H3C13: variants seen among roughly 807,000 people sequenced by gnomAD.
H3C13 encodes histone H3.2.
H3C13 carries 8 observed loss-of-function variants against 7.3 expected under a neutral mutation model. That is an observed-to-expected ratio of 1.09 (90% confidence interval 0.64 to 1.97). The LOEUF (loss-of-function observed/expected upper bound fraction) is 1.97. Among genes scored for constraint, H3C13 ranks in the 30% most tolerant of loss-of-function variants. H3C13 has a pLI of 0.00. For synonymous variants in H3C13, 110 were observed against 90.1 expected (o/e 1.22, Z -1.25); for missense variants, 173 against 196.5 (o/e 0.88, Z 0.72).
Position 149,813,239 on chromosome 1 carries a change from G to T in H3C13, c.*32C>A. 6.2e-7 allele frequency: 1 copy of T among 1,608,620 alleles called. No homozygotes were observed. Among genetic ancestry groups the T allele is most frequent in the East Asian group, 2.2e-5 (1 of 44,824 alleles). On this transcript the variant is annotated 3_prime_UTR_variant, in exon 1 of 1. Coordinates refer to ENST00000331491, the MANE Select transcript of H3C13 (RefSeq NM_001123375.3). The stretch of plus-strand genomic sequence containing the variant: ...ATGAAAACGGCAGTGGCTCTGAAAA[G>T]AGCCTTTAGATCGACCACTTAAAAA...
At position 149,813,421 on chromosome 1, in the gene H3C13, G is replaced by C. The variant is rs781912457; in HGVS notation, c.261C>G (p.Ser87Arg). The C allele has an allele frequency of 1.9e-6, 3 of 1,613,924 alleles. No individual in the cohort carries two copies. The highest frequency in any genetic ancestry group is 2.5e-6 in the Non-Finnish European group (3 of 1,180,002). Residue 87 changes from serine (S) to arginine (R), a missense_variant, in exon 1 of 1, where the codon AGC becomes AGG. Transcript: ENST00000331491. ...QDFKTDLRFQ[S>R]SAVMALQEAS... ...CCTCCTGCAGCGCCATCACGGCCGAGCTCTGGAAGCGCAGGTCCGTCTTAA... is the reference window on the plus strand; with the variant it reads ...CCTCCTGCAGCGCCATCACGGCCGACCTCTGGAAGCGCAGGTCCGTCTTAA...
At position 149,813,471 on chromosome 1, in the gene H3C13, G is replaced by C. The variant is rs1553754921; in HGVS notation, c.211C>G (p.Leu71Val). The change falls in exon 1 of 1, where the codon CTG (leucine) becomes GTG (valine). Residue 71 changes from leucine (L) to valine (V), a missense_variant. Physicochemically the swap from Leu to Val is conservative, Grantham distance 32 (BLOSUM62 1). Coordinates refer to ENST00000331491, the MANE Select transcript of H3C13 (RefSeq NM_001123375.3). Reference protein sequence around the residue: ...LLIRKLPFQRLVREIAQDFKT... With the variant: ...LLIRKLPFQRVVREIAQDFKT... ...AAGTCCTGCGCGATCTCGCGTACCAGCCGCTGGAAGGGCAGCTTGCGGATC... is the reference window on the plus strand; with the variant it reads ...AAGTCCTGCGCGATCTCGCGTACCACCCGCTGGAAGGGCAGCTTGCGGATC... 1 of 1,614,214 alleles carries C rather than the reference G, an allele frequency of 6.2e-7. No homozygotes were observed. Among genetic ancestry groups the C allele is most frequent in the South Asian group, 1.1e-5 (1 of 91,084 alleles).
Position 149,813,396 on chromosome 1 carries a change from C to T in H3C13, c.286G>A (p.Ala96Thr), listed in dbSNP as rs2092008280. The change falls in exon 1 of 1, where the codon GCC becomes ACC. Residue 96 changes from alanine to threonine, a missense_variant. Ala to Thr is a moderately conservative substitution (Grantham distance 58, BLOSUM62 0). Coordinates refer to ENST00000331491, the MANE Select transcript of H3C13 (RefSeq NM_001123375.3). ...AGCCCCACCAGGTAGGCCTCGCTGG[C>T]CTCCTGCAGCGCCATCACGGCCGAG... ...QSSAVMALQE[A>T]SEAYLVGLFE... 6.2e-7 allele frequency: 1 copy of T among 1,614,002 alleles called. No homozygotes were observed. The highest frequency in any genetic ancestry group is 1.7e-5 in the Admixed American group (1 of 60,014).
rs1435064824 is a variant in H3C13 at position 149,813,593 on chromosome 1, G to A, written c.89C>T (p.Ala30Val). 8 of 1,613,000 alleles carry A rather than the reference G, an allele frequency of 5.0e-6. No individual in the cohort carries two copies. The highest frequency in any genetic ancestry group is 4.0e-5 in the African/African-American group (3 of 74,912). ...QLATKAARKS[A>V]PATGGVKKPH... ...CTTCTTCACCCCGCCCGTGGCCGGCGCGCTCTTGCGGGCCGCTTTGGTAGC... is the reference window on the plus strand; with the variant it reads ...CTTCTTCACCCCGCCCGTGGCCGGCACGCTCTTGCGGGCCGCTTTGGTAGC... Residue 30 changes from alanine (A) to valine (V), a missense_variant, in exon 1 of 1, where the codon GCG becomes GTG. Ala to Val is a moderately conservative substitution (Grantham distance 64). Coordinates refer to ENST00000331491, the MANE Select transcript of H3C13 (RefSeq NM_001123375.3).
rs782290994 is a variant in H3C13, at chr1:149,813,450, C to T, written c.232G>A (p.Asp78Asn). 24 of 1,614,102 alleles carry T rather than the reference C, an allele frequency of 1.5e-5. No individual in the cohort carries two copies. Among genetic ancestry groups the T allele is most frequent in the East Asian group, 2.2e-5 (1 of 44,898 alleles). ...TGGAAGCGCAGGTCCGTCTTAAAGTCCTGCGCGATCTCGCGTACCAGCCGC... is the reference window on the plus strand; with the variant it reads ...TGGAAGCGCAGGTCCGTCTTAAAGTTCTGCGCGATCTCGCGTACCAGCCGC... The part of the protein sequence containing the change: ...FQRLVREIAQ[D>N]FKTDLRFQSS... The change falls in exon 1 of 1, where the codon GAC (aspartate) becomes AAC (asparagine). Residue 78 changes from aspartate to asparagine, a missense_variant. Asp to Asn is a conservative substitution (Grantham distance 23, BLOSUM62 1). Coordinates refer to ENST00000331491, the MANE Select transcript of H3C13 (RefSeq NM_001123375.3).
In H3C13 at chr1:149,813,624, G is replaced by A; in HGVS notation, c.58C>T (p.Gln20Ter). ...TTGCGGGCCGCTTTGGTAGCCAGCT[G>A]CTTCCTCGGGGCCTTGCCGCCGGTC... ...KSTGGKAPRK[Q>*]LATKAARKSA... The change falls in exon 1 of 1, where the codon CAG becomes TAG. Residue 20 changes from glutamine (Q) to a stop codon, truncating the protein, a stop_gained. Transcript: ENST00000331491. LOFTEE classifies it high-confidence loss of function. 1.2e-6 allele frequency: 2 copies of A among 1,613,604 alleles called. No homozygotes were observed. Among genetic ancestry groups the A allele is most frequent in the East Asian group, 2.2e-5 (1 of 44,856 alleles).
chr1:149,813,375 C>G lies in H3C13; in HGVS notation c.307G>C (p.Gly103Arg), dbSNP rs1305168156. The G allele has an allele frequency of 6.2e-7, 1 of 1,614,164 alleles. No individual in the cohort carries two copies. The highest frequency in any genetic ancestry group is 1.3e-5 in the African/African-American group (1 of 74,960). The change falls in exon 1 of 1, where the codon GGG becomes CGG. Residue 103 changes from glycine (G) to arginine (R), a missense_variant. Gly to Arg is a moderately radical substitution (Grantham distance 125). Coordinates refer to ENST00000331491, the MANE Select transcript of H3C13 (RefSeq NM_001123375.3). ...CACAGGTTCGTGTCTTCGAACAGCC[C>G]CACCAGGTAGGCCTCGCTGGCCTCC... Reference protein sequence around the residue: ...LQEASEAYLVGLFEDTNLCAI... With the variant: ...LQEASEAYLVRLFEDTNLCAI...
In H3C13 at chr1:149,813,533, C is replaced by A. The variant is rs1412789208; in HGVS notation, c.149G>T (p.Arg50Leu). 1 of 1,614,150 alleles carries A rather than the reference C, an allele frequency of 6.2e-7. No homozygotes were observed. The highest frequency in any genetic ancestry group is 8.5e-7 in the Non-Finnish European group (1 of 1,179,992). ...HRYRPGTVALREIRRYQKSTE... is the reference protein window; with the variant it reads ...HRYRPGTVALLEIRRYQKSTE... The stretch of plus-strand genomic sequence containing the variant: ...AGACTTCTGGTAGCGCCGGATCTCC[C>A]GCAGAGCCACGGTGCCGGGCCGGTA... The change falls in exon 1 of 1, where the codon CGG becomes CTG. Residue 50 changes from arginine to leucine, a missense_variant. By Grantham distance (102) the Arg-to-Leu change is moderately radical. Coordinates refer to ENST00000331491, the MANE Select transcript of H3C13 (RefSeq NM_001123375.3).
chr1:149,813,652 C>T lies in H3C13; in HGVS notation c.30G>A (p.Lys10=). The T allele has an allele frequency of 6.2e-7, 1 of 1,613,770 alleles. No individual in the cohort carries two copies. Among genetic ancestry groups the T allele is most frequent in the Non-Finnish European group, 8.5e-7 (1 of 1,179,814 alleles). The change falls in exon 1 of 1, where the codon AAG becomes AAA. Residue 10 remains lysine (K), a synonymous_variant. Coordinates refer to ENST00000331491, the MANE Select transcript of H3C13 (RefSeq NM_001123375.3). Reference sequence around the variant, plus strand: ...TCCTCGGGGCCTTGCCGCCGGTCGACTTGCGGGCAGTCTGCTTAGTACGGG... The same window carrying T: ...TCCTCGGGGCCTTGCCGCCGGTCGATTTGCGGGCAGTCTGCTTAGTACGGG... MARTKQTAR[K]STGGKAPRKQ...
At position 149,813,255 on chromosome 1, in the gene H3C13, C is replaced by T; in HGVS notation, c.*16G>A. 1 of 1,613,604 alleles carries T rather than the reference C, an allele frequency of 6.2e-7. No individual in the cohort carries two copies. Among genetic ancestry groups the T allele is most frequent in the Non-Finnish European group, 8.5e-7 (1 of 1,179,810 alleles). The stretch of plus-strand genomic sequence containing the variant: ...CTCTGAAAAGAGCCTTTAGATCGAC[C>T]ACTTAAAAATATGCCTTAGGCCCGC... On this transcript the variant is annotated 3_prime_UTR_variant, in exon 1 of 1. Coordinates refer to ENST00000331491, the MANE Select transcript of H3C13 (RefSeq NM_001123375.3).
At position 149,813,346 on chromosome 1, in the gene H3C13, G is replaced by T. The variant is rs200086761; in HGVS notation, c.336C>A (p.Ala112=). 53 of 1,614,168 alleles carry T rather than the reference G, an allele frequency of 3.3e-5. No homozygotes were observed. The highest frequency in any genetic ancestry group is 4.2e-5 in the Non-Finnish European group (50 of 1,180,056). Residue 112 remains alanine (A), a synonymous_variant, in exon 1 of 1, where the codon GCC becomes GCA. Coordinates refer to ENST00000331491, the MANE Select transcript of H3C13 (RefSeq NM_001123375.3). The part of the protein sequence containing the change: ...VGLFEDTNLC[A]IHAKRVTIMP... ...TGATGGTCACGCGCTTGGCATGGAT[G>T]GCGCACAGGTTCGTGTCTTCGAACA...
rs2092005827 is a variant in H3C13, at chr1:149,813,288, G to A, written c.394C>T (p.Arg132Cys). ...PKDIQLARRI[R>C]GERA ...AATATGCCTTAGGCCCGCTCCCCGC[G>A]GATGCGGCGGGCCAACTGGATGTCC... Residue 132 changes from arginine (R) to cysteine (C), a missense_variant, in exon 1 of 1, where the codon CGC becomes TGC. Coordinates refer to ENST00000331491, the MANE Select transcript of H3C13 (RefSeq NM_001123375.3). 1.9e-6 allele frequency: 3 copies of A among 1,614,098 alleles called. No individual in the cohort carries two copies. The highest frequency in any genetic ancestry group is 1.7e-5 in the Admixed American group (1 of 60,030).
At position 149,813,507 on chromosome 1, in the gene H3C13, T is replaced by C; in HGVS notation, c.175A>G (p.Thr59Ala). ...LREIRRYQKSTELLIRKLPFQ... is the reference protein window; with the variant it reads ...LREIRRYQKSAELLIRKLPFQ... ...GGCAGCTTGCGGATCAGCAGCTCCG[T>C]AGACTTCTGGTAGCGCCGGATCTCC... Residue 59 changes from threonine to alanine, a missense_variant, in exon 1 of 1, where the codon ACG becomes GCG. By Grantham distance (58) the Thr-to-Ala change is moderately conservative (BLOSUM62 0). Coordinates refer to ENST00000331491, the MANE Select transcript of H3C13 (RefSeq NM_001123375.3). 6.2e-7 allele frequency: 1 copy of C among 1,614,204 alleles called. No homozygotes were observed. The highest frequency in any genetic ancestry group is 8.5e-7 in the Non-Finnish European group (1 of 1,180,014).
Position 149,813,508 on chromosome 1 carries a change from A to G in H3C13, c.174T>C (p.Ser58=), listed in dbSNP as rs587692197. The change falls in exon 1 of 1, where the codon TCT becomes TCC. Residue 58 remains serine, a synonymous_variant. Coordinates refer to ENST00000331491, the MANE Select transcript of H3C13 (RefSeq NM_001123375.3). ...ALREIRRYQK[S]TELLIRKLPF... is the part of the protein sequence containing the mutation. ...GCAGCTTGCGGATCAGCAGCTCCGT[A>G]GACTTCTGGTAGCGCCGGATCTCCC... The G allele has an allele frequency of 3.5e-4, 569 of 1,614,182 alleles. 2 individuals carry two copies. In the African/African-American group the frequency reaches 6.1e-3, roughly 17 times the overall value.
At position 149,813,453 on chromosome 1, in the gene H3C13, G is replaced by A. The variant is rs782171276; in HGVS notation, c.229C>T (p.Gln77Ter). 11 of 1,614,196 alleles carry A rather than the reference G, an allele frequency of 6.8e-6. No homozygotes were observed. Among genetic ancestry groups the A allele is most frequent in the Non-Finnish European group, 8.5e-6 (10 of 1,180,026 alleles). Residue 77 changes from glutamine to a stop codon, truncating the protein, a stop_gained, in exon 1 of 1, where the codon CAG becomes TAG. Coordinates refer to ENST00000331491, the MANE Select transcript of H3C13 (RefSeq NM_001123375.3). LOFTEE classifies it high-confidence loss of function. ...PFQRLVREIA[Q>*]DFKTDLRFQS... ...AAGCGCAGGTCCGTCTTAAAGTCCT[G>A]CGCGATCTCGCGTACCAGCCGCTGG...
rs782271864 is a variant in H3C13 at position 149,813,571 on chromosome 1, C to T, written c.111G>A (p.Lys37=). The change falls in exon 1 of 1, where the codon AAG becomes AAA. Residue 37 remains lysine, a synonymous_variant. Transcript: ENST00000331491. ...RKSAPATGGV[K]KPHRYRPGTV... ...TGCCGGGCCGGTAGCGGTGCGGCTT[C>T]TTCACCCCGCCCGTGGCCGGCGCGC... 2 of 1,613,540 alleles carry T rather than the reference C, an allele frequency of 1.2e-6. No homozygotes were observed. Among genetic ancestry groups the T allele is most frequent in the South Asian group, 2.2e-5 (2 of 91,058 alleles).
chr1:149,813,565 C>G lies in H3C13; in HGVS notation c.117G>C (p.Pro39=), dbSNP rs72631753. 8.1e-6 allele frequency: 13 copies of G among 1,613,640 alleles called. No individual in the cohort carries two copies. The East Asian group carries it at 2.9e-4, about 36-fold the overall frequency. The change falls in exon 1 of 1, where the codon CCG becomes CCC. Residue 39 remains proline (P), a synonymous_variant. Coordinates refer to ENST00000331491, the MANE Select transcript of H3C13 (RefSeq NM_001123375.3). The stretch of plus-strand genomic sequence containing the variant: ...CCACGGTGCCGGGCCGGTAGCGGTG[C>G]GGCTTCTTCACCCCGCCCGTGGCCG... ...SAPATGGVKK[P]HRYRPGTVAL...
chr1:149,813,480 AG>A lies in H3C13; in HGVS notation c.201del (p.Phe68SerfsTer23), dbSNP rs782269475. The part of the protein sequence containing the change: ...KSTELLIRKL[P>X]FQRLVREIAQ... ...GCGATCTCGCGTACCAGCCGCTGGA[AG>A]GGCAGCTTGCGGATCAGCAGCTCCG... On this transcript the variant is annotated frameshift_variant, in exon 1 of 1. Transcript: ENST00000331491. LOFTEE classifies it high-confidence loss of function. 1 of 1,614,222 alleles carries A rather than the reference AG, an allele frequency of 6.2e-7. No homozygotes were observed. The highest frequency in any genetic ancestry group is 8.5e-7 in the Non-Finnish European group (1 of 1,180,030).
Position 149,813,515 on chromosome 1 carries a change from T to C in H3C13, c.167A>G (p.Gln56Arg), listed in dbSNP as rs2092011622. Residue 56 changes from glutamine to arginine, a missense_variant, in exon 1 of 1, where the codon CAG (glutamine) becomes CGG (arginine). Physicochemically the swap from Gln to Arg is conservative, Grantham distance 43 (BLOSUM62 1). Coordinates refer to ENST00000331491, the MANE Select transcript of H3C13 (RefSeq NM_001123375.3). ...GCGGATCAGCAGCTCCGTAGACTTC[T>C]GGTAGCGCCGGATCTCCCGCAGAGC... ...TVALREIRRY[Q>R]KSTELLIRKL... The C allele has an allele frequency of 6.2e-7, 1 of 1,614,178 alleles. No homozygotes were observed. The highest frequency in any genetic ancestry group is 8.5e-7 in the Non-Finnish European group (1 of 1,179,998).
Sources: gnomAD v4.1 joint callset for allele counts on GRCh38, gnomAD v4.1.1 for gene constraint, MANE v1.5 for transcripts, NCBI Gene and HGNC (gene_info 2026-07-23, HGNC 2026-07-21) for gene names.